NRXN3: variants seen among roughly 807,000 people sequenced by gnomAD.
The protein encoded by NRXN3 is neurexin 3, also known as neurexin III.
Under a neutral mutation model 137.6 loss-of-function variants are expected in NRXN3, and 32 were observed. The observed-to-expected ratio is 0.23, with a 90% CI of 0.18 to 0.31. The LOEUF is 0.31. Ranked by LOEUF, NRXN3 falls within the 10% of genes least tolerant of loss-of-function variation. The pLI is 1.00. For synonymous variants in NRXN3, 798 were observed against 784.5 expected (o/e 1.02, Z -0.29); for missense variants, 1,574 against 2,062.5 (o/e 0.76, Z 4.59).
At chr14:79,023,396 A>G (rs533842612) in intron 15 of NRXN3, among the ~76,000 whole-genome samples, 1 of 152,184 alleles carries the variant, frequency 6.6e-6, no homozygotes, top group African/African-American at 2.4e-5. Context: ...ATGCAATAGA[A>G]TAAAATATTA....
intron 15 of NRXN3, among the ~76,000 whole-genome samples, chr14:79,208,014 A>C (rs2153223928): frequency 6.6e-6 from 1 of 152,280 alleles, no homozygotes; most frequent in Non-Finnish European, 1.5e-5. Flanking sequence ...AAGTTAAGTA[A>C]CTTGCCCAGA....
chr14:78,209,199 GA>G (rs2062499386), intron 1 of NRXN3, among the ~76,000 whole-genome samples: 1 of 152,172 alleles, frequency 6.6e-6, no homozygotes, highest in Non-Finnish European at 1.5e-5. Flanking sequence ...CTGGAGGTGT[GA>G]GGGGGGCCTG....
chr14:78,235,469 A>C (rs1596240541), intron 1 of NRXN3, among the ~76,000 whole-genome samples: 1 of 152,134 alleles, frequency 6.6e-6, no homozygotes, highest in East Asian at 1.9e-4. Flanking sequence ...TATCATGAGA[A>C]GATCTGCTGA....
At chr14:78,715,611 A>G (rs1249488437) in intron 8 of NRXN3, among the ~76,000 whole-genome samples, 1 of 152,176 alleles carries the variant, frequency 6.6e-6, no homozygotes, top group Non-Finnish European at 1.5e-5. Flanking sequence ...ACTGATTACA[A>G]ACATGGTGAG....
chr14:78,589,973 A>AAAC (rs1566828775), intron 4 of NRXN3, among the ~76,000 whole-genome samples: 1 of 150,542 alleles, frequency 6.6e-6, no homozygotes, highest in Non-Finnish European at 1.5e-5. Flanking sequence ...AACAAACAAA[A>AAAC]AAACAAACAA....
intron 4 of NRXN3, among the ~76,000 whole-genome samples, chr14:78,384,360 C>T (rs2089619293): frequency 6.6e-6 from 1 of 152,008 alleles, no homozygotes; most frequent in African/African-American, 2.4e-5. Context: ...TAAGGAGAGG[C>T]TGGAATGTTG....
At chr14:78,913,029 G>A (rs1182266781) in intron 10 of NRXN3, among the ~76,000 whole-genome samples, 2 of 152,000 alleles carry the variant, frequency 1.3e-5, no homozygotes, top group East Asian at 1.9e-4. Flanking sequence ...AAAAAGACAG[G>A]TATGATCTCT....
chr14:78,893,312 C>A (rs1284587904), intron 10 of NRXN3, among the ~76,000 whole-genome samples: 1 of 152,014 alleles, frequency 6.6e-6, no homozygotes, highest in Non-Finnish European at 1.5e-5. Flanking sequence ...AATTCCTCCT[C>A]TTTTCTCTTT....
At chr14:78,311,339 A>G (rs8009370) in intron 4 of NRXN3, among the ~76,000 whole-genome samples, 48,338 of 151,934 alleles carry the variant, frequency 0.32, 7,900 homozygotes, top group African/African-American at 0.37. Flanking sequence ...GCCAGCCCCA[A>G]GTCTTCCTGT....
intron 1 of NRXN3, among the ~76,000 whole-genome samples, chr14:78,199,115 C>T (rs1384904416): frequency 2.0e-5 from 3 of 152,098 alleles, no homozygotes; most frequent in Non-Finnish European, 1.5e-5. Context: ...TGATGAGAGG[C>T]CAAGAGTAGA....
At chr14:78,637,473 A>G (rs953041876) in intron 4 of NRXN3, among the ~76,000 whole-genome samples, 13 of 152,222 alleles carry the variant, frequency 8.5e-5, no homozygotes. Context: ...CTCAACAACA[A>G]TGATAGCTAA....
intron 3 of NRXN3, among the ~76,000 whole-genome samples, chr14:78,281,594 C>T (rs911374927): frequency 5.3e-5 from 8 of 152,164 alleles, no homozygotes; most frequent in Non-Finnish European, 1.0e-4. Context: ...GTGAAATCCA[C>T]ATTCCCTGCT....
chr14:79,132,162 G>A (rs928783129), intron 15 of NRXN3, among the ~76,000 whole-genome samples: 16 of 152,254 alleles, frequency 1.1e-4, no homozygotes, highest in Non-Finnish European at 7.3e-5. Context: ...GCTGGGAGCT[G>A]TAGACCAGAG....
At chr14:79,538,210 A>G (rs956979931) in intron 16 of NRXN3, among the ~76,000 whole-genome samples, 1 of 152,126 alleles carries the variant, frequency 6.6e-6, no homozygotes, top group African/African-American at 2.4e-5. Flanking sequence ...TCAGATGAGT[A>G]GATTACAGAA....
At chr14:78,850,869 A>G in intron 10 of NRXN3, among the ~76,000 whole-genome samples, 1 of 152,200 alleles carries the variant, frequency 6.6e-6, no homozygotes, top group Non-Finnish European at 1.5e-5. Flanking sequence ...GAGGAAGTAA[A>G]GAAAACTAAC....
At chr14:78,962,442 GT>G (rs1481980562) in intron 11 of NRXN3, among the ~76,000 whole-genome samples, 1 of 152,128 alleles carries the variant, frequency 6.6e-6, no homozygotes, top group Non-Finnish European at 1.5e-5. Context: ...CGGCTGTGAG[GT>G]ATGAATATAT....
intron 15 of NRXN3, among the ~76,000 whole-genome samples, chr14:79,391,858 T>C (rs1331712962): frequency 6.6e-6 from 1 of 152,184 alleles, no homozygotes; most frequent in Admixed American, 6.5e-5. Context: ...TCCAGATCAG[T>C]ATTTTACTTT....
chr14:78,309,428 TTCCATCCTCTTTCTCCTCCCACCC>T (rs1197167133), intron 4 of NRXN3, among the ~76,000 whole-genome samples: 1 of 152,050 alleles, frequency 6.6e-6, no homozygotes, highest in African/African-American at 2.4e-5. Flanking sequence ...TAGGTAGTTT[TTCCATCCTCTTTCTCCTCCCACCC>T]TCCATCCTCC....
intron 20 of NRXN3, among the ~76,000 whole-genome samples, chr14:79,813,209 A>C (rs562733657): frequency 5.9e-5 from 9 of 152,290 alleles, no homozygotes; most frequent in Admixed American, 1.3e-4. Flanking sequence ...TGGCAAACAA[A>C]GCATGTTGAT....
Sources: gnomAD v4.1 joint callset for allele counts (sites outside exome capture counted in the v4.1 genomes callset) on GRCh38, gnomAD v4.1.1 for gene constraint, MANE v1.5 for transcripts, NCBI Gene and HGNC (gene_info 2026-07-23, HGNC 2026-07-21) for gene names.